PNPLA7: variants seen among roughly 807,000 people sequenced by gnomAD.
PNPLA7 encodes the protein patatin like domain 7, lysophospholipase, also known as patatin-like phospholipase domain-containing protein 7.
PNPLA7 carries 153 observed loss-of-function variants against 161.7 expected under a neutral mutation model. That is an observed-to-expected ratio of 0.95 (90% CI 0.83 to 1.08). The LOEUF (loss-of-function observed/expected upper bound fraction) is 1.08. PNPLA7 is among the 50% of genes least tolerant of loss of function. PNPLA7 has a pLI of 0.00. For synonymous variants in PNPLA7, 809 were observed against 782.1 expected (o/e 1.03, Z -0.57); for missense variants, 1,739 against 1,856.6 (o/e 0.94, Z 1.16).
chr9:137,514,763 C>A (rs1834434971), intron 12 of PNPLA7, among the ~76,000 whole-genome samples: 1 of 143,556 alleles, frequency 7.0e-6, no homozygotes, highest in African/African-American at 2.7e-5. Flanking sequence ...GATGCCCGGG[C>A]CCTGTGGCCG....
intron 14 of PNPLA7, among the ~76,000 whole-genome samples, chr9:137,502,642 A>G (rs1588619547): frequency 9.3e-5 from 2 of 21,402 alleles, no homozygotes; most frequent in African/African-American, 3.9e-4. Flanking sequence ...GGCCTCCCTG[A>G]GGAAAGCAGC....
intron 11 of PNPLA7, among the ~76,000 whole-genome samples, chr9:137,515,831 C>T: frequency 1.3e-5 from 1 of 75,288 alleles, no homozygotes; most frequent in Non-Finnish European, 2.7e-5. Flanking sequence ...ATCCCTCTCC[C>T]CCAAATGCCC....
chr9:137,505,944 G>T (rs1470331272), intron 13 of PNPLA7, 39 bp downstream of exon 13: 1 of 1,574,076 alleles, frequency 6.4e-7, no homozygotes, highest in Non-Finnish European at 8.6e-7. Flanking sequence ...GAGAGGGTGG[G>T]GCCCCAGGCG....
intron 28 of PNPLA7, among the ~76,000 whole-genome samples, chr9:137,463,809 C>A (rs995816661): frequency 1.3e-5 from 2 of 152,176 alleles, no homozygotes; most frequent in Non-Finnish European, 2.9e-5. Flanking sequence ...CCTCATCCCC[C>A]TGAACCAGGT....
Position 137,543,410 on chromosome 9 carries a change from CG to C in PNPLA7, c.506+21del, listed in dbSNP as rs1564370431. 2 of 1,613,746 alleles carry C rather than the reference CG, an allele frequency of 1.2e-6. No homozygotes were observed. Among genetic ancestry groups the C allele is most frequent in the Admixed American group, 3.3e-5 (2 of 60,022 alleles). Reference sequence around the variant, plus strand: ...GGGCTATGGGAGCTGCCGCAGCCCCCGGGGCTCATCCCCGCTCTTACCGAAC... The same window carrying C: ...GGGCTATGGGAGCTGCCGCAGCCCCCGGGCTCATCCCCGCTCTTACCGAAC... On this transcript the variant is annotated intron_variant, in intron 6 of 34. Coordinates refer to ENST00000406427, the MANE Select transcript of PNPLA7 (RefSeq NM_001098537.3). This position sits in a 1 kb window ranked among gnomAD's most constrained non-coding sequence, Gnocchi z 6.9.
At position 137,523,909 on chromosome 9, in the gene PNPLA7, C is replaced by T. The variant is rs548915150; in HGVS notation, c.748-1052G>A. Among the ~76,000 whole-genome samples the T allele has an allele frequency of 2.0e-5, 3 of 151,978 alleles. No homozygotes were observed. The highest frequency in any genetic ancestry group is 4.8e-5 in the African/African-American group (2 of 41,382). On this transcript the variant is annotated intron_variant, in intron 8 of 34. Transcript: ENST00000406427. The surrounding 1 kb of genome is among the most constrained non-coding windows in gnomAD (Gnocchi z 4.4). ...CCTCCCAAAGTGCTGGGATTACCGG[C>T]GTGAGCCACCACGCCTGGCTCAGAT... is the stretch of plus-strand genomic sequence containing the variant.
In PNPLA7 at chr9:137,505,990, G is replaced by C. The variant is rs1194553856; in HGVS notation, c.1319C>G (p.Ala440Gly). 1 of 1,609,464 alleles carries C rather than the reference G, an allele frequency of 6.2e-7. No individual in the cohort carries two copies. Among genetic ancestry groups the C allele is most frequent in the Non-Finnish European group, 8.5e-7 (1 of 1,178,330 alleles). ...ATGACAGCCAGGGCCTACCTTGCTG[G>C]CCACGGAGCTCCCGGGGTGCTCGTC... ...HSDEHPGSSV[A>G]SKSRKSVMVA... is the part of the protein sequence containing the mutation. The change falls in exon 13 of 35, where the codon GCC becomes GGC. Residue 440 changes from alanine (A) to glycine (G), a missense_variant. Around this residue, in one of 6 missense-constraint regions of PNPLA7, gnomAD observed 481 missense variants for 450.0 expected, o/e 1.07. Coordinates refer to ENST00000406427, the MANE Select transcript of PNPLA7 (RefSeq NM_001098537.3).
At chr9:137,478,872 G>A (rs1030653764) in intron 24 of PNPLA7, 184 bp downstream of exon 24, 17 of 862,070 alleles carry the variant, frequency 2.0e-5, no homozygotes, top group African/African-American at 3.5e-5. Context: ...CTTCCTAGCC[G>A]TGGCCACCAG....
intron 1 of PNPLA7, among the ~76,000 whole-genome samples, chr9:137,549,788 A>G (rs544888536): frequency 2.4e-4 from 36 of 147,534 alleles, no homozygotes; most frequent in African/African-American, 7.4e-4. Context: ...CCGTCTTGGG[A>G]AAAAAAAAAA....
chr9:137,471,382 T>C (rs781658565), intron 25 of PNPLA7, among the ~76,000 whole-genome samples: 18 of 152,026 alleles, frequency 1.2e-4, no homozygotes, highest in Non-Finnish European at 2.4e-4. Context: ...GGGCGGATCA[T>C]GAGATCAGGA....
At chr9:137,495,730 G>T (rs1207153855) in intron 18 of PNPLA7, among the ~76,000 whole-genome samples, 1 of 151,942 alleles carries the variant, frequency 6.6e-6, no homozygotes, top group Non-Finnish European at 1.5e-5. Context: ...GGCGTGAGCC[G>T]CCGCGCCCGG....
chr9:137,474,301 C>T (rs1831840556), intron 25 of PNPLA7, among the ~76,000 whole-genome samples: 1 of 152,116 alleles, frequency 6.6e-6, no homozygotes, highest in Non-Finnish European at 1.5e-5. Flanking sequence ...AACCAGAAAA[C>T]CAACCAACTG....
In PNPLA7 at chr9:137,480,790, C is replaced by T. The variant is rs1033168735; in HGVS notation, c.2411+170G>A. ...GGCCTGACAGTGCCCAGCAGGTCAG[C>T]GCTGCCCAGTGTGTCCAGTGAAGGG... On this transcript the variant is annotated intron_variant, in intron 22 of 34. Coordinates refer to ENST00000406427, the MANE Select transcript of PNPLA7 (RefSeq NM_001098537.3). The T allele has an allele frequency of 9.4e-6, 8 of 851,840 alleles. No individual in the cohort carries two copies. The East Asian group carries it at 1.1e-4, about 11-fold the overall frequency. The allele number at this position is 851,840 out of a possible 1,614,324, so 52.8% of individuals were successfully genotyped here. A position where few individuals can be genotyped will look rare whatever the true frequency, so the allele number is the denominator to read the frequency against.
intron 25 of PNPLA7, among the ~76,000 whole-genome samples, chr9:137,475,071 A>G (rs1386242846): frequency 6.6e-6 from 1 of 151,588 alleles, no homozygotes; most frequent in Non-Finnish European, 1.5e-5. Context: ...AGAGGGAGGT[A>G]AACATTTTCA....
At chr9:137,507,131 C>T (rs1037420408) in intron 12 of PNPLA7, among the ~76,000 whole-genome samples, 4 of 152,248 alleles carry the variant, frequency 2.6e-5, no homozygotes, top group African/African-American at 7.2e-5. Context: ...GTGCGCTGGT[C>T]GGGTTTCACG....
Position 137,540,788 on chromosome 9 carries a change from C to T in PNPLA7, c.667-66G>A, listed in dbSNP as rs1255161351. The stretch of plus-strand genomic sequence containing the variant: ...CTGCGACCGCGGGGCCTGGCGGAGG[C>T]TCAGCCCAGCCCAGGGCAGTGGGGC... On this transcript the variant is annotated intron_variant, in intron 7 of 34. Coordinates refer to ENST00000406427, the MANE Select transcript of PNPLA7 (RefSeq NM_001098537.3). The surrounding 1 kb of genome is among the most constrained non-coding windows in gnomAD (Gnocchi z 5.1). 6 of 1,464,600 alleles carry T rather than the reference C, an allele frequency of 4.1e-6. No homozygotes were observed. Among genetic ancestry groups the T allele is most frequent in the South Asian group, 3.6e-5 (3 of 84,028 alleles). 90.7% of individuals were successfully genotyped at this position (1,464,600 alleles called of 1,614,324 possible). A position where few individuals can be genotyped will look rare whatever the true frequency, so the allele number is the denominator to read the frequency against.
intron 12 of PNPLA7, among the ~76,000 whole-genome samples, chr9:137,512,805 C>CA (rs879862498): frequency 0.027 from 3,806 of 139,128 alleles, 56 homozygotes; most frequent in Middle Eastern, 0.088. Context: ...AAAGAAAATA[C>CA]AAAAAAAAAA....
At chr9:137,528,573 C>T (rs930628871) in intron 8 of PNPLA7, among the ~76,000 whole-genome samples, 7 of 152,124 alleles carry the variant, frequency 4.6e-5, no homozygotes, top group Non-Finnish European at 1.0e-4. Context: ...TGAGCCACCG[C>T]GCCTGGCCGT....
chr9:137,479,437 G>T (rs1832100109), intron 23 of PNPLA7, 199 bp from the exon 24 acceptor site: 1 of 1,285,788 alleles, frequency 7.8e-7, no homozygotes, highest in African/African-American at 1.5e-5. Context: ...TCCACTGTGT[G>T]CTGGGCAAGG....
Sources: allele counts gnomAD v4.1 joint callset (sites outside exome capture counted in the v4.1 genomes callset), GRCh38; gene constraint gnomAD v4.1.1; regional missense constraint gnomAD v4.1.1; non-coding constraint Gnocchi (gnomAD v3.1); transcripts MANE v1.5; gene names NCBI Gene and HGNC (gene_info 2026-07-23, HGNC 2026-07-21).